Variants in EEIG2 observed in about 807,000 individuals in gnomAD.
The protein encoded by EEIG2 is EEIG family member 2, also known as family with sequence similarity 102 member B.
chr1:108,587,559 C>T, the EEIG2 span, among the ~76,000 whole-genome samples: 1 of 152,290 alleles, frequency 6.6e-6, no homozygotes. Flanking sequence ...ATCCTCTGTG[C>T]TCCACTTGTT....
chr1:108,600,547 C>CT, the EEIG2 span: 3 of 1,608,094 alleles, frequency 1.9e-6, no homozygotes, highest in Non-Finnish European at 2.5e-6. Context: ...TTAATTGGCT[C>CT]TTTTTTTCTT....
At chr1:108,585,374 T>A in the EEIG2 span, among the ~76,000 whole-genome samples, 2 of 152,152 alleles carry the variant, frequency 1.3e-5, no homozygotes, top group East Asian at 1.9e-4. Flanking sequence ...TTTAACTGTT[T>A]GTTAGAGTTT....
At chr1:108,606,173 T>A in the EEIG2 span, 1 of 1,223,048 alleles carries the variant, frequency 8.2e-7, no homozygotes, top group East Asian at 2.5e-5. Context: ...ATATTTAATT[T>A]TAAATCTTTC....
the EEIG2 span, among the ~76,000 whole-genome samples, chr1:108,572,699 T>C: frequency 6.6e-6 from 1 of 152,094 alleles, no homozygotes; most frequent in Admixed American, 6.6e-5. Flanking sequence ...CACTGCAACC[T>C]CCACCTCCCA....
At chr1:108,623,771 A>G in the EEIG2 span, among the ~76,000 whole-genome samples, 1 of 152,068 alleles carries the variant, frequency 6.6e-6, no homozygotes, top group Non-Finnish European at 1.5e-5. Context: ...TCCCGGGTTC[A>G]AGTGATTCTC....
At chr1:108,635,101 G>A in the EEIG2 span, 5 of 1,613,994 alleles carry the variant, frequency 3.1e-6, no homozygotes, top group Non-Finnish European at 4.2e-6. Flanking sequence ...TTCCACTGCT[G>A]TTTTAGGGTG....
the EEIG2 span, among the ~76,000 whole-genome samples, chr1:108,591,137 A>C: frequency 6.6e-6 from 1 of 152,242 alleles, no homozygotes; most frequent in Non-Finnish European, 1.5e-5. Flanking sequence ...AATGACTCAC[A>C]TAACGGAAAC....
chr1:108,612,316 C>T, the EEIG2 span: 4 of 1,493,754 alleles, frequency 2.7e-6, no homozygotes, highest in Non-Finnish European at 3.7e-6. Context: ...TCAGGATTTA[C>T]TTGTCAAGAA....
chr1:108,630,666 G>A, the EEIG2 span, among the ~76,000 whole-genome samples: 1 of 152,192 alleles, frequency 6.6e-6, no homozygotes, highest in Non-Finnish European at 1.5e-5. Context: ...AACTTACATT[G>A]ATTATCAGCA....
chr1:108,635,307 TAC>T, the EEIG2 span: 1 of 840,622 alleles, frequency 1.2e-6, no homozygotes, highest in Non-Finnish European at 1.9e-6. Context: ...CGCCATCCTG[TAC>T]CAGCCACCAA....
chr1:108,616,486 G>T, the EEIG2 span: 1 of 1,163,938 alleles, frequency 8.6e-7, no homozygotes, highest in Non-Finnish European at 1.2e-6. Context: ...AGATTTATTT[G>T]TTTAAATTTT....
At chr1:108,584,016 C>A in the EEIG2 span, among the ~76,000 whole-genome samples, 2 of 152,056 alleles carry the variant, frequency 1.3e-5, no homozygotes, top group African/African-American at 2.4e-5. Context: ...AGCAAGTCTT[C>A]AGGGAATTCT....
the EEIG2 span, among the ~76,000 whole-genome samples, chr1:108,623,820 T>C: frequency 5.3e-5 from 8 of 151,994 alleles, no homozygotes; most frequent in African/African-American, 1.9e-4. Context: ...TACAGATGCA[T>C]GCCACCACAC....
At chr1:108,605,341 T>G in the EEIG2 span, among the ~76,000 whole-genome samples, 1 of 152,162 alleles carries the variant, frequency 6.6e-6, no homozygotes, top group African/African-American at 2.4e-5. Flanking sequence ...CTGAAATCAC[T>G]GAAGCAGGGA....
the EEIG2 span, chr1:108,629,847 T>A: frequency 1.3e-5 from 8 of 636,628 alleles, no homozygotes; most frequent in Admixed American, 1.7e-4. Context: ...TGTTTGACAT[T>A]ATATTTTATA....
chr1:108,563,570 A>G, the EEIG2 span, among the ~76,000 whole-genome samples: 5 of 152,170 alleles, frequency 3.3e-5, no homozygotes, highest in Non-Finnish European at 7.3e-5. Flanking sequence ...GCATATATAG[A>G]TATAAATAGA....
At chr1:108,628,750 A>G in the EEIG2 span, 1 of 1,613,382 alleles carries the variant, frequency 6.2e-7, no homozygotes, top group South Asian at 1.1e-5. Context: ...TGCAGATGAC[A>G]TTGTAGAGAA....
At chr1:108,566,242 T>G in the EEIG2 span, among the ~76,000 whole-genome samples, 1 of 152,204 alleles carries the variant, frequency 6.6e-6, no homozygotes, top group Non-Finnish European at 1.5e-5. Context: ...AATAGTTTTA[T>G]AAATAAACTA....
chr1:108,603,213 T>C, the EEIG2 span, among the ~76,000 whole-genome samples: 1 of 152,202 alleles, frequency 6.6e-6, no homozygotes, highest in African/African-American at 2.4e-5. Context: ...GCTTTTACCC[T>C]CAAAGCATTT....
Sources: allele counts gnomAD v4.1 joint callset (sites outside exome capture counted in the v4.1 genomes callset), GRCh38; gene constraint gnomAD v4.1.1; transcripts MANE v1.5; gene names NCBI Gene and HGNC (gene_info 2026-07-23, HGNC 2026-07-21).